Variants in GRID2 observed in about 807,000 individuals in gnomAD.
GRID2 encodes the protein glutamate receptor ionotropic, delta-2.
GRID2 carries 33 observed loss-of-function variants against 114.8 expected under a neutral mutation model. The observed-to-expected ratio is 0.29, with a 90% confidence interval of 0.22 to 0.38. The LOEUF is 0.38. GRID2 is among the 10% of genes least tolerant of loss of function. The pLI, the probability that GRID2 is intolerant of heterozygous loss-of-function variation, is 1.00. For missense variants in GRID2, 1,184 were observed against 1,257.7 expected (o/e 0.94, Z 0.89); for synonymous variants, 505 against 449.9 (o/e 1.12, Z -1.55).
At chr4:92,370,845 G>T (rs1168006487) in intron 1 of GRID2, among the ~76,000 whole-genome samples, 1 of 152,130 alleles carries the variant, frequency 6.6e-6, no homozygotes, top group South Asian at 2.1e-4. Context: ...CAAAGGGTGG[G>T]CCTGGTAGTG....
At position 92,440,246 on chromosome 4, in the gene GRID2, T is replaced by C. The variant is rs965659265; in HGVS notation, c.88+135502T>C. ...TAAGGGATATAAAGGTTTCACTGAA[T>C]ACTAAGAGCCTGAAAAACTGCTTGG... On this transcript the variant is annotated intron_variant, in intron 1 of 15. Coordinates refer to ENST00000282020, the MANE Select transcript of GRID2 (RefSeq NM_001510.4). 2.7e-4 allele frequency among the ~76,000 whole-genome samples: 40 copies of C among 146,220 alleles called. 2 individuals are homozygous for C. The highest frequency in any genetic ancestry group is 7.8e-4 in the African/African-American group (32 of 40,994).
intron 2 of GRID2, among the ~76,000 whole-genome samples, chr4:92,960,189 G>T (rs928376015): frequency 6.6e-6 from 1 of 152,014 alleles, no homozygotes; most frequent in African/African-American, 2.4e-5. Flanking sequence ...CCAGAATGTG[G>T]TTTACCTTGG....
intron 2 of GRID2, among the ~76,000 whole-genome samples, chr4:92,964,220 G>T (rs1282965918): frequency 6.6e-6 from 1 of 152,022 alleles, no homozygotes; most frequent in African/African-American, 2.4e-5. Context: ...AAGAGAGTCA[G>T]TCTGTCCTTT....
Position 92,587,329 on chromosome 4 carries a change from C to T in GRID2, c.89-2802C>T, listed in dbSNP as rs188346342. ...CAACTATATAGTTAACAAAGTAGATCTAGTACCTATAGTATTGGATTATCT... is the reference window on the plus strand; with the variant it reads ...CAACTATATAGTTAACAAAGTAGATTTAGTACCTATAGTATTGGATTATCT... On this transcript the variant is annotated intron_variant, in intron 1 of 15. Coordinates refer to ENST00000282020, the MANE Select transcript of GRID2 (RefSeq NM_001510.4). Among the ~76,000 whole-genome samples the T allele has an allele frequency of 2.2e-3, 333 of 151,992 alleles. 1 individual carries two copies. The highest frequency in any genetic ancestry group is 7.7e-3 in the African/African-American group (319 of 41,470).
chr4:92,537,644 T>A (rs1457486241), intron 1 of GRID2, among the ~76,000 whole-genome samples: 2 of 152,164 alleles, frequency 1.3e-5, no homozygotes, highest in Non-Finnish European at 2.9e-5. Context: ...TTTAATAGGC[T>A]TGTTCTGCAA....
chr4:93,571,494 T>G (rs1735929323), intron 13 of GRID2, among the ~76,000 whole-genome samples: 1 of 152,114 alleles, frequency 6.6e-6, no homozygotes, highest in Non-Finnish European at 1.5e-5. Flanking sequence ...AAACTGAACT[T>G]GGGCATGAAT....
At chr4:93,632,433 A>G (rs1175489731) in intron 14 of GRID2, among the ~76,000 whole-genome samples, 2 of 152,156 alleles carry the variant, frequency 1.3e-5, no homozygotes, top group Non-Finnish European at 2.9e-5. Context: ...CTTTTTCCAT[A>G]TGGCTAACCA....
At chr4:93,021,817 A>G (rs1723383030) in intron 2 of GRID2, among the ~76,000 whole-genome samples, 1 of 146,522 alleles carries the variant, frequency 6.8e-6, no homozygotes, top group Non-Finnish European at 1.5e-5. Context: ...AAATTTTAAT[A>G]TACTTATATA....
intron 8 of GRID2, among the ~76,000 whole-genome samples, chr4:93,311,855 C>T (rs1460386320): frequency 3.3e-5 from 5 of 151,930 alleles, no homozygotes; most frequent in East Asian, 1.9e-4. Flanking sequence ...TTAATCTTAG[C>T]GTGAGCGGTT....
At chr4:92,934,337 T>A (rs934095349) in intron 2 of GRID2, among the ~76,000 whole-genome samples, 12 of 151,692 alleles carry the variant, frequency 7.9e-5, no homozygotes, top group Non-Finnish European at 1.5e-4. Context: ...CTCTGTCTGT[T>A]ATTGGTGTAT....
Position 93,085,118 on chromosome 4 carries a change from C to T in GRID2, c.368C>T (p.Thr123Ile), listed in dbSNP as rs1379190581. The change falls in exon 3 of 16, where the codon ACA becomes ATA. Residue 123 changes from threonine to isoleucine, a missense_variant. Physicochemically the swap from Thr to Ile is moderately conservative, Grantham distance 89. Coordinates refer to ENST00000282020, the MANE Select transcript of GRID2 (RefSeq NM_001510.4). ...CCCCACCTCTTCATTCAGCGCTCAA[C>T]AGCTGGGACCCCAAGGAGTGGCTGT... ...HIPHLFIQRS[T>I]AGTPRSGCGL... The T allele has an allele frequency of 6.2e-7, 1 of 1,614,168 alleles. No homozygotes were observed. Among genetic ancestry groups the T allele is most frequent in the Non-Finnish European group, 8.5e-7 (1 of 1,180,020 alleles).
At chr4:93,792,180 C>A (rs1250903336) in intron 1 of GRID2, among the ~76,000 whole-genome samples, 3 of 152,158 alleles carry the variant, frequency 2.0e-5, no homozygotes, top group Non-Finnish European at 4.4e-5. Flanking sequence ...AAGCCCCAAC[C>A]TGCTGCCCAA....
At chr4:92,386,310 G>A (rs958078965) in intron 1 of GRID2, among the ~76,000 whole-genome samples, 6 of 151,562 alleles carry the variant, frequency 4.0e-5, no homozygotes, top group African/African-American at 1.5e-4. Flanking sequence ...TGAGGGCATC[G>A]CTAATTTGAT....
chr4:93,094,185 G>A (rs1731012329), intron 3 of GRID2, among the ~76,000 whole-genome samples: 1 of 151,908 alleles, frequency 6.6e-6, no homozygotes, highest in Non-Finnish European at 1.5e-5. Context: ...TTCTATTAAG[G>A]TTCTTTAAAA....
intron 1 of GRID2, among the ~76,000 whole-genome samples, chr4:92,475,769 A>T (rs1722277182): frequency 6.6e-6 from 1 of 152,108 alleles, no homozygotes; most frequent in Admixed American, 6.5e-5. Flanking sequence ...GGTATTATGA[A>T]TATTTTAATA....
chr4:93,344,581 G>C (rs1375080367), intron 8 of GRID2, among the ~76,000 whole-genome samples: 4 of 149,746 alleles, frequency 2.7e-5, no homozygotes, highest in South Asian at 4.2e-4. Context: ...GAGCATTGGA[G>C]AGCTTAAATC....
At chr4:93,728,466 A>T (rs1429873404) in intron 14 of GRID2, among the ~76,000 whole-genome samples, 1 of 151,938 alleles carries the variant, frequency 6.6e-6, no homozygotes, top group East Asian at 1.9e-4. Flanking sequence ...TATTCTGTTG[A>T]TTTGGGGTGG....
intron 8 of GRID2, among the ~76,000 whole-genome samples, chr4:93,348,684 G>A (rs1256193634): frequency 6.6e-6 from 1 of 152,110 alleles, no homozygotes; most frequent in Non-Finnish European, 1.5e-5. Flanking sequence ...GCTTCCCACA[G>A]AGGAACTGGA....
At position 92,372,010 on chromosome 4, in the gene GRID2, T is replaced by C. The variant is rs548302576; in HGVS notation, c.88+67266T>C. ...CTTCAGTGGAGGCACTCACTACAAA[T>C]GTGGTAGAATCAGCAAAAGAACTAT... On this transcript the variant is annotated intron_variant, in intron 1 of 15. Transcript: ENST00000282020. Among the ~76,000 whole-genome samples the C allele has an allele frequency of 3.3e-5, 5 of 152,234 alleles. No individual in the cohort carries two copies. In the East Asian group the frequency reaches 7.7e-4, roughly 24 times the overall value.
Sources: gnomAD v4.1 joint callset for allele counts (sites outside exome capture counted in the v4.1 genomes callset) on GRCh38, gnomAD v4.1.1 for gene constraint, MANE v1.5 for transcripts, NCBI Gene and HGNC (gene_info 2026-07-23, HGNC 2026-07-21) for gene names.